Variants in KCNQ1OT1 observed in about 807,000 individuals in gnomAD.
KCNQ1OT1 encodes KCNQ1 antisense RNA 2 (non-protein coding).
chr11:2,646,361 T>C (rs1849665594), exon 1 of KCNQ1OT1: 2 of 398,640 alleles, frequency 5.0e-6, no homozygotes, highest in South Asian at 1.3e-4. Flanking sequence ...AAAAATTTTG[T>C]AGCCTCTTCA....
chr11:2,648,461 A>G (rs888171328), exon 1 of KCNQ1OT1: 2 of 398,332 alleles, frequency 5.0e-6, no homozygotes, highest in Admixed American at 8.8e-5. Context: ...ACATTTTTGT[A>G]TGCTGTGTTT....
chr11:2,619,211 T>G (rs866037775), exon 1 of KCNQ1OT1: 1 of 398,454 alleles, frequency 2.5e-6, no homozygotes, highest in Non-Finnish European at 4.4e-6. Flanking sequence ...TCCAGTACTA[T>G]GTTGAGTAGT....
rs1407256748 is a variant in KCNQ1OT1 at position 2,678,887 on chromosome 11, C to A, written n.21108G>T. 2.5e-6 allele frequency: 1 copy of A among 398,446 alleles called. No homozygotes were observed. Among genetic ancestry groups the A allele is most frequent in the Non-Finnish European group, 4.4e-6 (1 of 226,072 alleles). 24.7% of individuals were successfully genotyped at this position (398,446 alleles called of 1,614,324 possible). ...GGAGTTGCCAGCTGGACCCAAGGAC[C>A]ATTTCGTATACATGTATGATCATAC... On this transcript the variant is annotated non_coding_transcript_exon_variant, in exon 1 of 1. Transcript: ENST00000597346. The surrounding 1 kb of genome is among the most constrained non-coding windows in gnomAD (Gnocchi z 4.9).
At chr11:2,667,811 G>A (rs1028814413) in exon 1 of KCNQ1OT1, 4 of 398,684 alleles carry the variant, frequency 1.0e-5, no homozygotes, top group Non-Finnish European at 1.3e-5. Context: ...GGCTACCCTG[G>A]TATAGGGTGG....
exon 1 of KCNQ1OT1, chr11:2,629,745 T>TA (rs1849322641): frequency 2.5e-6 from 1 of 398,406 alleles, no homozygotes; most frequent in African/African-American, 2.1e-5. Context: ...AGTGTATAGA[T>TA]ACGCAAATGA....
exon 1 of KCNQ1OT1, chr11:2,628,140 T>A: frequency 2.5e-6 from 1 of 398,626 alleles, no homozygotes; most frequent in Admixed American, 4.4e-5. Flanking sequence ...TTTGTTTTCC[T>A]TAGATATACC....
chr11:2,661,246 A>G lies in KCNQ1OT1; in HGVS notation n.38749T>C. On this transcript the variant is annotated non_coding_transcript_exon_variant, in exon 1 of 1. Coordinates refer to ENST00000597346, the Ensembl canonical transcript of KCNQ1OT1. The surrounding 1 kb of genome is among the most constrained non-coding windows in gnomAD (Gnocchi z 5.9). ...CAGATGAGTACTTAATCCTTTTGCA[A>G]TAAAATATTTAAATGAAGACAAATA... 3 of 399,198 alleles carry G rather than the reference A, an allele frequency of 7.5e-6. No homozygotes were observed. Among genetic ancestry groups the G allele is most frequent in the Non-Finnish European group, 1.3e-5 (3 of 226,514 alleles). 24.7% of individuals were successfully genotyped at this position (399,198 alleles called of 1,614,324 possible).
chr11:2,692,092 C>T (rs995580715), exon 1 of KCNQ1OT1: 29 of 398,738 alleles, frequency 7.3e-5, no homozygotes, highest in African/African-American at 6.0e-4. Context: ...CTGCCCCCAC[C>T]TCCTCTCCAC....
chr11:2,689,812 G>A, exon 1 of KCNQ1OT1: 1 of 398,752 alleles, frequency 2.5e-6, no homozygotes, highest in African/African-American at 2.1e-5. Context: ...TTCTCAGTGT[G>A]GTGCTTGGCC....
rs143908838 is a variant in KCNQ1OT1 at position 2,625,024 on chromosome 11, A to G, written n.74971T>C. The G allele has an allele frequency of 1.3e-3, 515 of 398,610 alleles. 2 individuals carry two copies. Among genetic ancestry groups the G allele is most frequent in the African/African-American group, 9.3e-3 (455 of 48,740 alleles). The allele number at this position is 398,610 out of a possible 1,614,324, so 24.7% of individuals were successfully genotyped here. A position where few individuals can be genotyped will look rare whatever the true frequency, so the allele number is the denominator to read the frequency against. ...GTTGCATTGATGTTTTAACTGTTGT[A>G]AATAATGCCACTACAATCGTGGGTA... On this transcript the variant is annotated non_coding_transcript_exon_variant, in exon 1 of 1. Transcript: ENST00000597346.
rs28769308 is a variant in KCNQ1OT1 at position 2,608,372 on chromosome 11, T to G, written n.91623A>C. The G allele has an allele frequency of 8.7e-3, 3,464 of 398,630 alleles. 46 individuals carry two copies. Among genetic ancestry groups the G allele is most frequent in the African/African-American group, 0.036 (1,753 of 48,764 alleles). The allele number at this position is 398,630 out of a possible 1,614,324, so 24.7% of individuals were successfully genotyped here. ...TCATCTTTCTAGGAATTTGTCAATT[T>G]CATCTAAGTTTTATAATTTATTGGC... On this transcript the variant is annotated non_coding_transcript_exon_variant, in exon 1 of 1. Coordinates refer to ENST00000597346, the Ensembl canonical transcript of KCNQ1OT1. The surrounding 1 kb of genome is among the most constrained non-coding windows in gnomAD (Gnocchi z 4.6).
Position 2,674,639 on chromosome 11 carries a change from A to G in KCNQ1OT1, n.25356T>C. ...CAGTCACAGCGAAACATGCCTTTGA[A>G]TTGGAAAGCCAGAACTTTTTGCAAA... On this transcript the variant is annotated non_coding_transcript_exon_variant, in exon 1 of 1. Coordinates refer to ENST00000597346, the Ensembl canonical transcript of KCNQ1OT1. This position sits in a 1 kb window ranked among gnomAD's most constrained non-coding sequence, Gnocchi z 5.9. The G allele has an allele frequency of 2.5e-6, 1 of 398,566 alleles. No homozygotes were observed. The highest frequency in any genetic ancestry group is 4.4e-6 in the Non-Finnish European group (1 of 226,050). 24.7% of individuals were successfully genotyped at this position (398,566 alleles called of 1,614,324 possible).
In KCNQ1OT1 at chr11:2,671,543, C is replaced by G. The variant is rs1394999361; in HGVS notation, n.28452G>C. Reference sequence around the variant, plus strand: ...TTTTCAAAGGTTAATTTTGACTCTGCCTGACTTATCTCCTAAGTCTTTGGC... The same window carrying G: ...TTTTCAAAGGTTAATTTTGACTCTGGCTGACTTATCTCCTAAGTCTTTGGC... On this transcript the variant is annotated non_coding_transcript_exon_variant, in exon 1 of 1. Transcript: ENST00000597346. This position sits in a 1 kb window ranked among gnomAD's most constrained non-coding sequence, Gnocchi z 4.7. 1 of 398,504 alleles carries G rather than the reference C, an allele frequency of 2.5e-6. No individual in the cohort carries two copies. Among genetic ancestry groups the G allele is most frequent in the Non-Finnish European group, 4.4e-6 (1 of 226,082 alleles). The allele number at this position is 398,504 out of a possible 1,614,324, so 24.7% of individuals were successfully genotyped here.
At position 2,608,788 on chromosome 11, in the gene KCNQ1OT1, C is replaced by T. The variant is rs543479276; in HGVS notation, n.91207G>A. On this transcript the variant is annotated non_coding_transcript_exon_variant, in exon 1 of 1. Coordinates refer to ENST00000597346, the Ensembl canonical transcript of KCNQ1OT1. This position sits in a 1 kb window ranked among gnomAD's most constrained non-coding sequence, Gnocchi z 4.6. ...ACAGGTGTGAGCCACTGCAGCTAGC[C>T]TCGTTTTTTTGCTTTAATTTGTAAA... The T allele has an allele frequency of 1.5e-5, 6 of 398,566 alleles. No individual in the cohort carries two copies. In the South Asian group the frequency reaches 6.4e-4, roughly 42 times the overall value. 24.7% of individuals were successfully genotyped at this position (398,566 alleles called of 1,614,324 possible). A position where few individuals can be genotyped will look rare whatever the true frequency, so the allele number is the denominator to read the frequency against.
chr11:2,644,631 T>C (rs1472601824), exon 1 of KCNQ1OT1: 1 of 398,530 alleles, frequency 2.5e-6, no homozygotes, highest in East Asian at 3.6e-5. Context: ...ATGTTTCTTG[T>C]GTGCTTACAC....
At chr11:2,636,758 T>G (rs1849473758) in exon 1 of KCNQ1OT1, 1 of 152,294 alleles carries the variant, frequency 6.6e-6, no homozygotes, top group Non-Finnish European at 1.5e-5. Context: ...TCAGAAGGCA[T>G]AGTACCAGCT....
exon 1 of KCNQ1OT1, chr11:2,622,305 C>T (rs1046026410): frequency 2.5e-6 from 1 of 398,276 alleles, no homozygotes; most frequent in Admixed American, 4.4e-5. Context: ...GTAATGTCCT[C>T]CTTTGTCTCC....
rs1849081517 is a variant in KCNQ1OT1 at position 2,617,185 on chromosome 11, A to G, written n.82810T>C. On this transcript the variant is annotated non_coding_transcript_exon_variant, in exon 1 of 1. Transcript: ENST00000597346. This position sits in a 1 kb window ranked among gnomAD's most constrained non-coding sequence, Gnocchi z 4.6. ...AGATCTCTAGACTTGTTCATCCTAT[A>G]TATCTGCTACTTGGTATCCTTTGAC... The G allele has an allele frequency of 5.0e-6, 2 of 398,048 alleles. No individual in the cohort carries two copies. The highest frequency in any genetic ancestry group is 2.1e-5 in the African/African-American group (1 of 48,564). 24.7% of individuals were successfully genotyped at this position (398,048 alleles called of 1,614,324 possible).
In KCNQ1OT1 at chr11:2,658,915, G is replaced by A. The variant is rs867374557; in HGVS notation, n.41080C>T. The A allele has an allele frequency of 5.0e-6, 2 of 398,328 alleles. No homozygotes were observed. Among genetic ancestry groups the A allele is most frequent in the African/African-American group, 2.1e-5 (1 of 48,574 alleles). The allele number at this position is 398,328 out of a possible 1,614,324, so 24.7% of individuals were successfully genotyped here. The stretch of plus-strand genomic sequence containing the variant: ...TTGTACACGTAGTACCCTATGTGAA[G>A]CAAATTTACCTACTAGATTAGAGTG... On this transcript the variant is annotated non_coding_transcript_exon_variant, in exon 1 of 1. Transcript: ENST00000597346. This position sits in a 1 kb window ranked among gnomAD's most constrained non-coding sequence, Gnocchi z 4.9.
Sources: gnomAD v4.1 joint callset for allele counts on GRCh38, gnomAD v4.1.1 for gene constraint, Gnocchi (gnomAD v3.1) non-coding constraint, MANE v1.5 for transcripts, NCBI Gene and HGNC (gene_info 2026-07-23, HGNC 2026-07-21) for gene names.